Variants in ATP8A1 observed in about 807,000 individuals in gnomAD.
ATP8A1 encodes the protein phospholipid-transporting ATPase IA.
ATP8A1 carries 90 observed loss-of-function variants against 177.7 expected under a neutral mutation model. The ratio of observed to expected loss-of-function variants is 0.51; its 90% CI spans 0.43 to 0.60. ATP8A1 has a LOEUF of 0.60. ATP8A1 is among the 20% of genes least tolerant of loss of function. ATP8A1 has a pLI of 0.00. For synonymous variants in ATP8A1, 493 were observed against 485.9 expected (o/e 1.01, Z -0.19); for missense variants, 1,072 against 1,392.8 (o/e 0.77, Z 3.67).
chr4:42,456,269 T>G (rs898253659), intron 27 of ATP8A1, among the ~76,000 whole-genome samples: 1 of 152,212 alleles, frequency 6.6e-6, no homozygotes, highest in Non-Finnish European at 1.5e-5. Context: ...TTTGCTATTA[T>G]AAATAACTCT....
rs1733093718 is a variant in ATP8A1 at position 42,581,692 on chromosome 4, C to T, written c.763G>A (p.Ala255Thr). 3.1e-6 allele frequency: 5 copies of T among 1,614,066 alleles called. No homozygotes were observed. The highest frequency in any genetic ancestry group is 2.2e-5 in the South Asian group (2 of 91,084). ...ACCCACTGTGTATTTCTCAACTGAGCTCCTCGAAGAAGAATCTGATCTGCT... is the reference window on the plus strand; with the variant it reads ...ACCCACTGTGTATTTCTCAACTGAGTTCCTCGAAGAAGAATCTGATCTGCT... ...LGADQILLRGAQLRNTQWVHG... is the reference protein window; with the variant it reads ...LGADQILLRGTQLRNTQWVHG... The change falls in exon 10 of 37, where the codon GCT (alanine) becomes ACT (threonine). Residue 255 changes from alanine (A) to threonine (T), a missense_variant. By Grantham distance (58) the Ala-to-Thr change is moderately conservative. This residue lies in a region of ATP8A1 where 344 missense variants were observed against 393.5 expected (regional missense o/e 0.87). Coordinates refer to ENST00000381668, the MANE Select transcript of ATP8A1 (RefSeq NM_006095.2).
In ATP8A1 at chr4:42,455,427, G is replaced by A. The variant is rs375459418; in HGVS notation, c.2695-8C>T. The A allele has an allele frequency of 1.2e-5, 20 of 1,613,534 alleles. No homozygotes were observed. The African/African-American group carries it at 1.7e-4, about 14-fold the overall frequency. On this transcript the variant is annotated splice_region_variant and splice_polypyrimidine_tract_variant and intron_variant, in intron 28 of 36. Transcript: ENST00000381668. The stretch of plus-strand genomic sequence containing the variant: ...AGGCATTGCTGTAAACATCTAAAGC[G>A]CACAAACTGGTCATTATGTCAAGCA...
At position 42,579,803 on chromosome 4, in the gene ATP8A1, T is replaced by C. The variant is rs371354560; in HGVS notation, c.1000+10A>G. On this transcript the variant is annotated intron_variant, in intron 11 of 36. Coordinates refer to ENST00000381668, the MANE Select transcript of ATP8A1 (RefSeq NM_006095.2). ...ATCTAAAAAAGTGCAGTAAGCACTT[T>C]ATTGCTTACAGTTTAGATTGAGATA... The C allele has an allele frequency of 1.2e-6, 2 of 1,607,894 alleles. No homozygotes were observed. Among genetic ancestry groups the C allele is most frequent in the Non-Finnish European group, 1.7e-6 (2 of 1,177,080 alleles).
chr4:42,450,312 T>C (rs574706439), intron 30 of ATP8A1, among the ~76,000 whole-genome samples: 74 of 152,298 alleles, frequency 4.9e-4, no homozygotes, highest in African/African-American at 1.7e-3. Flanking sequence ...CAGGGTCTGG[T>C]AGGGAAGGTG....
chr4:42,529,231 T>C (rs777610315), intron 20 of ATP8A1, among the ~76,000 whole-genome samples: 11 of 152,184 alleles, frequency 7.2e-5, no homozygotes, highest in Non-Finnish European at 1.3e-4. Context: ...GGGATGCTGT[T>C]TGGAGCCTTT....
chr4:42,612,027 G>A (rs1577700136), intron 5 of ATP8A1, among the ~76,000 whole-genome samples: 1 of 152,206 alleles, frequency 6.6e-6, no homozygotes, highest in East Asian at 1.9e-4. Context: ...GTAATGAAAG[G>A]GATCAGTAGA....
At chr4:42,426,489 G>C (rs563367151) in intron 33 of ATP8A1, among the ~76,000 whole-genome samples, 4 of 152,236 alleles carry the variant, frequency 2.6e-5, no homozygotes, top group Non-Finnish European at 5.9e-5. Context: ...CCTGGAAGTG[G>C]TCCTGGCACG....
At chr4:42,422,448 C>T (rs1043385282) in intron 35 of ATP8A1, among the ~76,000 whole-genome samples, 2 of 152,286 alleles carry the variant, frequency 1.3e-5, no homozygotes, top group Admixed American at 1.3e-4. Context: ...TCTTCTCTTG[C>T]AGTTTAATAA....
At chr4:42,588,443 T>TA (rs1488422659) in intron 7 of ATP8A1, 114 bp from the exon 8 acceptor site, 1 of 772,470 alleles carries the variant, frequency 1.3e-6, no homozygotes, top group Non-Finnish European at 2.0e-6. Flanking sequence ...AAGTAATAGT[T>TA]ACTTAGCTTC....
chr4:42,488,106 T>C (rs1421596558), intron 24 of ATP8A1, among the ~76,000 whole-genome samples: 1 of 152,188 alleles, frequency 6.6e-6, no homozygotes, highest in East Asian at 1.9e-4. Context: ...AGATATCCCC[T>C]GGATTATCTT....
In ATP8A1 at chr4:42,505,235, T is replaced by C. The variant is rs149564400; in HGVS notation, c.2087-1721A>G. On this transcript the variant is annotated intron_variant, in intron 23 of 36. Transcript: ENST00000381668. ...CTTAACCAGTACCTGGCACTGTATA[T>C]ACCACAATTATGCTGAATGGGTGAA... is the stretch of plus-strand genomic sequence containing the variant. 9.3e-3 allele frequency among the ~76,000 whole-genome samples: 1,413 copies of C among 152,356 alleles called. 12 individuals carry two copies. Among genetic ancestry groups the C allele is most frequent in the Non-Finnish European group, 0.014 (926 of 68,022 alleles).
chr4:42,550,080 C>T (rs59155240), intron 18 of ATP8A1, among the ~76,000 whole-genome samples: 23,402 of 152,094 alleles, frequency 0.15, 1,907 homozygotes, highest in East Asian at 0.26. Context: ...TTCCAATCAA[C>T]CTCTTCCCTG....
intron 1 of ATP8A1, among the ~76,000 whole-genome samples, chr4:42,633,592 C>T (rs185124858): frequency 1.4e-4 from 22 of 152,190 alleles, no homozygotes; most frequent in African/African-American, 5.1e-4. Context: ...AGAAAATAAA[C>T]AAGTGATTGT....
chr4:42,503,630 C>A, intron 23 of ATP8A1, 116 bp from the exon 24 acceptor site: 2 of 637,310 alleles, frequency 3.1e-6, no homozygotes, highest in Non-Finnish European at 2.5e-6. Flanking sequence ...TGACTGAGGG[C>A]AACCAGTTGT....
At chr4:42,501,445 T>A (rs1723847316) in intron 24 of ATP8A1, among the ~76,000 whole-genome samples, 1 of 152,248 alleles carries the variant, frequency 6.6e-6, no homozygotes, top group Non-Finnish European at 1.5e-5. Flanking sequence ...ACTGTGCTCT[T>A]CACCCTGTGC....
At chr4:42,541,109 G>C (rs1157569660) in intron 20 of ATP8A1, among the ~76,000 whole-genome samples, 1 of 152,070 alleles carries the variant, frequency 6.6e-6, no homozygotes, top group South Asian at 2.1e-4. Context: ...CTAGGTGACA[G>C]AGTGAGACCC....
At chr4:42,548,949 G>A (rs1189642050) in intron 19 of ATP8A1, 64 bp downstream of exon 19, 10 of 1,301,922 alleles carry the variant, frequency 7.7e-6, no homozygotes, top group Non-Finnish European at 1.1e-5. Context: ...TTATTCAAAA[G>A]GGAAAAAATA....
At chr4:42,593,809 G>A (rs1008091066) in intron 6 of ATP8A1, among the ~76,000 whole-genome samples, 3 of 151,960 alleles carry the variant, frequency 2.0e-5, no homozygotes, top group Non-Finnish European at 4.4e-5. Flanking sequence ...AAAAGAAAGA[G>A]CAAAGTACTT....
chr4:42,489,683 T>C (rs1386294138), intron 24 of ATP8A1, among the ~76,000 whole-genome samples: 1 of 152,200 alleles, frequency 6.6e-6, no homozygotes, highest in African/African-American at 2.4e-5. Flanking sequence ...GCCGGGAGTA[T>C]TTTCAAATTC....
Sources: gnomAD v4.1 joint callset for allele counts (sites outside exome capture counted in the v4.1 genomes callset) on GRCh38, gnomAD v4.1.1 for gene constraint, gnomAD v4.1.1 regional missense constraint, MANE v1.5 for transcripts, NCBI Gene and HGNC (gene_info 2026-07-23, HGNC 2026-07-21) for gene names.